The following SEC23B variants were observed in gnomAD, a reference collection of about 807,000 sequenced individuals.
SEC23B encodes the protein protein transport protein Sec23B.
Under a neutral mutation model 104.3 loss-of-function variants are expected in SEC23B, and 77 were observed. The ratio of observed to expected loss-of-function variants is 0.74; its 90% CI spans 0.61 to 0.89. The LOEUF is 0.89. SEC23B is among the 40% of genes least tolerant of loss of function. SEC23B has a pLI of 0.00. For synonymous variants in SEC23B, 338 were observed against 332.5 expected (o/e 1.02, Z -0.18); for missense variants, 885 against 949.4 (o/e 0.93, Z 0.89).
At chr20:18,519,329 G>C (rs2060061949) in intron 4 of SEC23B, among the ~76,000 whole-genome samples, 1 of 152,226 alleles carries the variant, frequency 6.6e-6, no homozygotes, top group Non-Finnish European at 1.5e-5. Flanking sequence ...AGTGAGTACA[G>C]CTGAAGGAGC....
intron 3 of SEC23B, among the ~76,000 whole-genome samples, chr20:18,514,396 G>A (rs1283269257): frequency 6.6e-6 from 1 of 152,140 alleles, no homozygotes; most frequent in African/African-American, 2.4e-5. Context: ...GGCCAGGATG[G>A]GGCTAGAGTC....
Position 18,545,748 on chromosome 20 carries a change from C to A in SEC23B, c.1666-208C>A, listed in dbSNP as rs561101306. ...GATTAGAGATGCAGAATCTTCAGCTCCTCCCTAGAGTCTGCATTTTAACAA... is the reference window on the plus strand; with the variant it reads ...GATTAGAGATGCAGAATCTTCAGCTACTCCCTAGAGTCTGCATTTTAACAA... On this transcript the variant is annotated intron_variant, in intron 14 of 19. Coordinates refer to ENST00000650089, the MANE Select transcript of SEC23B (RefSeq NM_006363.6). 9.2e-5 allele frequency among the ~76,000 whole-genome samples: 14 copies of A among 152,296 alleles called. No individual in the cohort carries two copies. The South Asian group carries it at 2.5e-3, about 27-fold the overall frequency.
chr20:18,524,327 CTAAA>C, intron 4 of SEC23B, 102 bp from the exon 5 acceptor site: 1 of 838,914 alleles, frequency 1.2e-6, no homozygotes, highest in East Asian at 2.4e-5. Context: ...TCTCCTAAAA[CTAAA>C]TATAGATGAA....
chr20:18,557,828 C>A (rs1249489629), intron 19 of SEC23B, among the ~76,000 whole-genome samples: 1 of 150,304 alleles, frequency 6.7e-6, no homozygotes, highest in African/African-American at 2.5e-5. Context: ...TCTCAGCTCA[C>A]CGCAACCTCC....
intron 9 of SEC23B, among the ~76,000 whole-genome samples, chr20:18,527,899 G>A (rs2060148156): frequency 6.6e-6 from 1 of 152,218 alleles, no homozygotes; most frequent in African/African-American, 2.4e-5. Flanking sequence ...CAAGCAGCAT[G>A]GACTATCTGG....
At chr20:18,530,253 T>C (rs1377561032) in intron 9 of SEC23B, among the ~76,000 whole-genome samples, 4 of 151,820 alleles carry the variant, frequency 2.6e-5, no homozygotes, top group Non-Finnish European at 4.4e-5. Context: ...ACTTATTTAT[T>C]AATTTTTTTT....
intron 17 of SEC23B, among the ~76,000 whole-genome samples, chr20:18,553,472 GA>G (rs1446671820): frequency 6.6e-6 from 1 of 152,152 alleles, no homozygotes; most frequent in Non-Finnish European, 1.5e-5. Context: ...AATAACATGC[GA>G]AAGCACTTCA....
rs779433485 is a variant in SEC23B at position 18,535,704 on chromosome 20, A to G, written c.1366A>G (p.Thr456Ala). ...GTGGAAAATCTGTGGCCTAGATCCT[A>G]CATCTACACTTGGCATCTATTTTGA... ...SQWKICGLDP[T>A]STLGIYFEVV... The change falls in exon 12 of 20, where the codon ACA becomes GCA. Residue 456 changes from threonine to alanine, a missense_variant. Physicochemically the swap from Thr to Ala is moderately conservative, Grantham distance 58 (BLOSUM62 0). Transcript: ENST00000650089. The G allele has an allele frequency of 3.7e-6, 6 of 1,614,120 alleles. No individual in the cohort carries two copies. The South Asian group carries it at 4.4e-5, about 12-fold the overall frequency.
At chr20:18,510,695 G>C in intron 1 of SEC23B, 127 bp from the exon 2 acceptor site, 3 of 735,294 alleles carry the variant, frequency 4.1e-6, no homozygotes, top group Non-Finnish European at 7.2e-6. Context: ...GAACCCGGGA[G>C]GTGGAGGCTG....
rs74764911 is a variant in SEC23B at position 18,559,988 on chromosome 20, A to C, written c.2215-663A>C. On this transcript the variant is annotated intron_variant, in intron 19 of 19. Transcript: ENST00000650089. Reference sequence around the variant, plus strand: ...TTTCTAATTATAACAGTATGGTTTCATTTTAGAAAATTTGAATATGTTTTA... The same window carrying C: ...TTTCTAATTATAACAGTATGGTTTCCTTTTAGAAAATTTGAATATGTTTTA... Among the ~76,000 whole-genome samples the C allele has an allele frequency of 4.7e-3, 717 of 152,258 alleles. 9 individuals carry two copies. Among genetic ancestry groups the C allele is most frequent in the African/African-American group, 0.016 (680 of 41,558 alleles).
At chr20:18,507,809 C>T (rs999522197), upstream of SEC23B, 1 of 152,374 alleles carries the variant, frequency 6.6e-6, no homozygotes, top group Non-Finnish European at 1.5e-5. Flanking sequence ...CTGAGTCTCT[C>T]GCTTCCTCCA....
At chr20:18,547,150 AG>A (rs2060339957) in intron 15 of SEC23B, among the ~76,000 whole-genome samples, 1 of 152,024 alleles carries the variant, frequency 6.6e-6, no homozygotes, top group Non-Finnish European at 1.5e-5. Context: ...AAGGCATTCT[AG>A]GAAAGAGGCC....
chr20:18,548,243 G>A (rs987133845), intron 15 of SEC23B, among the ~76,000 whole-genome samples: 8 of 146,198 alleles, frequency 5.5e-5, no homozygotes, highest in African/African-American at 9.9e-5. Context: ...GAGCCACCAC[G>A]CCTGGCCAAA....
At position 18,551,145 on chromosome 20, in the gene SEC23B, TTTC is replaced by T. The variant is rs751926926; in HGVS notation, c.1965_1967del (p.Phe656del). ...CTGACAGAATTTTGCTGATGGATAC[TTTC>T]TTTCAAATTGTCATTTATCTTGGTG... On this transcript the variant is annotated inframe_deletion, in exon 17 of 20. Coordinates refer to ENST00000650089, the MANE Select transcript of SEC23B (RefSeq NM_006363.6). 1 of 1,598,566 alleles carries T rather than the reference TTTC, an allele frequency of 6.3e-7. No homozygotes were observed. Among genetic ancestry groups the T allele is most frequent in the South Asian group, 1.1e-5 (1 of 90,880 alleles).
chr20:18,548,552 G>A (rs2060355786), intron 15 of SEC23B, 57 bp from the exon 16 acceptor site: 2 of 1,542,740 alleles, frequency 1.3e-6, no homozygotes, highest in Middle Eastern at 3.4e-4. Flanking sequence ...CTACTCTGTG[G>A]GTGTCTAAGA....
intron 12 of SEC23B, among the ~76,000 whole-genome samples, chr20:18,541,058 C>A (rs1017546417): frequency 3.3e-5 from 5 of 152,236 alleles, no homozygotes; most frequent in African/African-American, 1.2e-4. Context: ...TAACTTGCAG[C>A]AGTTTCTACA....
chr20:18,542,243 C>A, intron 12 of SEC23B, 53 bp from the exon 13 acceptor site: 1 of 1,463,410 alleles, frequency 6.8e-7, no homozygotes, highest in Non-Finnish European at 9.6e-7. Context: ...GGCTCTGTGA[C>A]CGTGTTTGAG....
rs2060486541 is a variant in SEC23B at position 18,560,870 on chromosome 20, TTTAGA to T, written c.*134_*138del. On this transcript the variant is annotated 3_prime_UTR_variant, in exon 20 of 20. Transcript: ENST00000650089. ...ATCAAGGACATTTTATATGTAACTCTTTAGATTATAATTTATTTGTATTCCTGTCT... is the reference window on the plus strand; with the variant it reads ...ATCAAGGACATTTTATATGTAACTCTTTATAATTTATTTGTATTCCTGTCT... 1.4e-6 allele frequency: 1 copy of T among 719,034 alleles called. No individual in the cohort carries two copies. Among genetic ancestry groups the T allele is most frequent in the Non-Finnish European group, 2.5e-6 (1 of 396,894 alleles). 44.5% of individuals were successfully genotyped at this position (719,034 alleles called of 1,614,324 possible).
rs201160833 is a variant in SEC23B, at chr20:18,524,635, G to A, written c.569G>A (p.Arg190Gln). ...CEGISKSYVFRGTKDLTAKQI... is the reference protein window; with the variant it reads ...CEGISKSYVFQGTKDLTAKQI... ...GGAATCTCCAAAAGTTATGTCTTCCGAGGGACCAAGGATTTAACTGCAAAG... is the reference window on the plus strand; with the variant it reads ...GGAATCTCCAAAAGTTATGTCTTCCAAGGGACCAAGGATTTAACTGCAAAG... The change falls in exon 5 of 20, where the codon CGA becomes CAA. Residue 190 changes from arginine (R) to glutamine (Q), a missense_variant. Coordinates refer to ENST00000650089, the MANE Select transcript of SEC23B (RefSeq NM_006363.6). The A allele has an allele frequency of 1.2e-4, 188 of 1,614,108 alleles. No individual in the cohort carries two copies. The highest frequency in any genetic ancestry group is 1.0e-3 in the Admixed American group (63 of 60,028).
Sources: allele counts gnomAD v4.1 joint callset (sites outside exome capture counted in the v4.1 genomes callset), GRCh38; gene constraint gnomAD v4.1.1; transcripts MANE v1.5; gene names NCBI Gene and HGNC (gene_info 2026-07-23, HGNC 2026-07-21).